ANKS1B: variants seen among roughly 807,000 people sequenced by gnomAD.
The protein encoded by ANKS1B is ankyrin repeat and sterile alpha motif domain-containing protein 1B.
ANKS1B carries 36 observed loss-of-function variants against 148.3 expected under a neutral mutation model. That is an observed-to-expected ratio of 0.24 (90% CI 0.19 to 0.32). The LOEUF (loss-of-function observed/expected upper bound fraction) is 0.32. Among genes scored for constraint, ANKS1B ranks in the 10% least tolerant of loss-of-function variants. The pLI, the probability that ANKS1B is intolerant of heterozygous loss-of-function variation, is 1.00. For synonymous variants in ANKS1B, 542 were observed against 560.8 expected (o/e 0.97, Z 0.47); for missense variants, 1,157 against 1,542.6 (o/e 0.75, Z 4.19).
chr12:99,506,395 G>A (rs2096712185), intron 9 of ANKS1B, among the ~76,000 whole-genome samples: 1 of 151,976 alleles, frequency 6.6e-6, no homozygotes, highest in African/African-American at 2.4e-5. Context: ...ACATCAGAGA[G>A]TCAATTATGG....
chr12:98,800,120 C>T (rs1479775981), intron 21 of ANKS1B, among the ~76,000 whole-genome samples: 1 of 151,022 alleles, frequency 6.6e-6, no homozygotes, highest in Non-Finnish European at 1.5e-5. Context: ...GAGGGAGGAG[C>T]CATTTCAATC....
chr12:99,400,710 T>C (rs1288896306), intron 11 of ANKS1B, among the ~76,000 whole-genome samples: 1 of 145,198 alleles, frequency 6.9e-6, no homozygotes, highest in Non-Finnish European at 1.5e-5. Context: ...ACTGAAATAC[T>C]AAAAATCTCT....
chr12:98,952,356 T>C (rs1354459882), intron 17 of ANKS1B, among the ~76,000 whole-genome samples: 3 of 152,354 alleles, frequency 2.0e-5, no homozygotes, highest in South Asian at 2.1e-4. Flanking sequence ...GAGCGTAGCA[T>C]TGACTGCACT....
chr12:98,799,521 C>T (rs191737793), intron 21 of ANKS1B, among the ~76,000 whole-genome samples: 43 of 56,960 alleles, frequency 7.5e-4, no homozygotes, highest in Admixed American at 3.0e-3. Context: ...CACCTGAGAA[C>T]GGGATGGGAG....
At chr12:99,033,968 C>T (rs919032356) in intron 17 of ANKS1B, among the ~76,000 whole-genome samples, 4 of 152,204 alleles carry the variant, frequency 2.6e-5, no homozygotes, top group African/African-American at 9.7e-5. Context: ...CTAGAAATTC[C>T]TCTAGCTTCC....
intron 17 of ANKS1B, chr12:98,949,845 G>C (rs1199087733): frequency 6.6e-6 from 1 of 152,226 alleles, no homozygotes; most frequent in Non-Finnish European, 1.5e-5. Context: ...GGAGCTTTCT[G>C]AGTGAGTCTC....
chr12:99,251,818 C>T (rs1418567006), intron 12 of ANKS1B, among the ~76,000 whole-genome samples: 1 of 151,994 alleles, frequency 6.6e-6, no homozygotes, highest in African/African-American at 2.4e-5. Context: ...AAAATTTTTC[C>T]TATTTTTAAG....
intron 15 of ANKS1B, among the ~76,000 whole-genome samples, chr12:99,125,748 C>T (rs1405214104): frequency 6.6e-6 from 1 of 152,016 alleles, no homozygotes; most frequent in African/African-American, 2.4e-5. Context: ...ATCCTGGAAG[C>T]GAGGATGCTG....
At chr12:99,330,513 T>G (rs116380149) in intron 12 of ANKS1B, among the ~76,000 whole-genome samples, 4 of 152,000 alleles carry the variant, frequency 2.6e-5, no homozygotes, top group African/African-American at 9.7e-5. Flanking sequence ...GATTGTTCTA[T>G]AAAACAAATA....
At chr12:99,676,221 T>A (rs1176776093) in intron 8 of ANKS1B, among the ~76,000 whole-genome samples, 1 of 152,180 alleles carries the variant, frequency 6.6e-6, no homozygotes, top group African/African-American at 2.4e-5. Flanking sequence ...TGTGGAACTG[T>A]GAGTCAATTA....
rs531500275 is a variant in ANKS1B at position 98,823,680 on chromosome 12, C to T, written c.3066+5494G>A. Reference sequence around the variant, plus strand: ...CTAACTTTTGAGTCTTTAGTAGAGACGGGGTTTCGCCATGTTGGCCAGGCT... The same window carrying T: ...CTAACTTTTGAGTCTTTAGTAGAGATGGGGTTTCGCCATGTTGGCCAGGCT... On this transcript the variant is annotated intron_variant, in intron 19 of 26. Transcript: ENST00000683438. Among the ~76,000 whole-genome samples the T allele has an allele frequency of 1.5e-4, 23 of 152,314 alleles. No individual in the cohort carries two copies. The South Asian group carries it at 3.5e-3, about 23-fold the overall frequency.
At chr12:99,743,983 A>G (rs193192992) in intron 8 of ANKS1B, among the ~76,000 whole-genome samples, 242 of 152,304 alleles carry the variant, frequency 1.6e-3, no homozygotes, top group Non-Finnish European at 2.0e-3. Flanking sequence ...TGGTGATACC[A>G]GAAAGATATT....
chr12:98,764,005 C>T (rs1182756900), intron 25 of ANKS1B, among the ~76,000 whole-genome samples: 1 of 152,214 alleles, frequency 6.6e-6, no homozygotes. Context: ...ACACTGGTCA[C>T]CTGTCTTCAT....
intron 8 of ANKS1B, among the ~76,000 whole-genome samples, chr12:99,731,597 G>C (rs1381722741): frequency 6.6e-6 from 1 of 152,044 alleles, no homozygotes; most frequent in Non-Finnish European, 1.5e-5. Flanking sequence ...TTCAAAAAAT[G>C]GTTCTAGACA....
intron 1 of ANKS1B, among the ~76,000 whole-genome samples, chr12:99,851,968 A>G (rs57414668): frequency 0.62 from 94,216 of 152,010 alleles, 30,768 homozygotes; most frequent in African/African-American, 0.77. Flanking sequence ...TTATTAAGCT[A>G]TCTATTACAT....
Position 98,780,528 on chromosome 12 carries a change from C to T in ANKS1B, c.3441+589G>A, listed in dbSNP as rs186622450. ...CTGTGAGGAAGAAGTCACAGCGGAG[C>T]CACAGCATGGCCTGGGCTCTTTTCT... On this transcript the variant is annotated intron_variant, in intron 24 of 26. Transcript: ENST00000683438. Among the ~76,000 whole-genome samples, 8 of 152,324 alleles carry T rather than the reference C, an allele frequency of 5.3e-5. No homozygotes were observed. In the East Asian group the frequency reaches 1.3e-3, roughly 26 times the overall value.
intron 17 of ANKS1B, among the ~76,000 whole-genome samples, chr12:99,020,569 A>C (rs1377517596): frequency 1.3e-5 from 2 of 152,150 alleles, no homozygotes; most frequent in Non-Finnish European, 2.9e-5. Context: ...TCTCAATTGC[A>C]GTTGTAATAT....
chr12:99,469,948 C>CGTATCTTCAAAA (rs1158802689), intron 10 of ANKS1B, among the ~76,000 whole-genome samples: 3 of 151,338 alleles, frequency 2.0e-5, no homozygotes, highest in Admixed American at 1.3e-4. Flanking sequence ...AGGAGACCCC[C>CGTATCTTCAAAA]GTATCTTCAA....
At chr12:98,841,536 G>A (rs1373283456) in intron 17 of ANKS1B, among the ~76,000 whole-genome samples, 1 of 152,184 alleles carries the variant, frequency 6.6e-6, no homozygotes, top group Non-Finnish European at 1.5e-5. Flanking sequence ...AGGGTTTTAT[G>A]TGGGAGGAGG....
Sources: allele counts gnomAD v4.1 joint callset (sites outside exome capture counted in the v4.1 genomes callset), GRCh38; gene constraint gnomAD v4.1.1; transcripts MANE v1.5; gene names NCBI Gene and HGNC (gene_info 2026-07-23, HGNC 2026-07-21).